The following PTPRC variants were observed in gnomAD, a reference collection of about 807,000 sequenced individuals.
PTPRC encodes protein tyrosine phosphatase receptor type C.
In PTPRC, 44 loss-of-function variants were observed where a neutral mutation model predicts 155.9. That is an observed-to-expected ratio of 0.28 (90% CI 0.22 to 0.36). The LOEUF (loss-of-function observed/expected upper bound fraction) is 0.36, where lower values mean the gene tolerates loss of function less well. PTPRC is among the 10% of genes least tolerant of loss of function. PTPRC has a pLI of 1.00. For missense variants in PTPRC, 1,401 were observed against 1,564.6 expected (o/e 0.90, Z 1.76); for synonymous variants, 525 against 533.1 (o/e 0.98, Z 0.21).
In PTPRC at chr1:198,749,411, C is replaced by A; in HGVS notation, c.2939-5C>A. ...GAAGACTTACTACTGATTTATTTCA[C>A]ATAGATGACTATAACAGAGTGCCAC... On this transcript the variant is annotated splice_polypyrimidine_tract_variant and splice_region_variant and intron_variant, in intron 27 of 32. Transcript: ENST00000442510. 1.2e-6 allele frequency: 2 copies of A among 1,607,184 alleles called. No homozygotes were observed. Among genetic ancestry groups the A allele is most frequent in the Non-Finnish European group, 1.7e-6 (2 of 1,174,986 alleles).
At chr1:198,644,374 A>C (rs72738013) in intron 2 of PTPRC, among the ~76,000 whole-genome samples, 2,949 of 152,004 alleles carry the variant, frequency 0.019, 57 homozygotes, top group Non-Finnish European at 0.027. Context: ...GACTTTAGCA[A>C]TATGATTTGA....
At chr1:198,664,486 T>C (rs113889436) in intron 2 of PTPRC, among the ~76,000 whole-genome samples, 1 of 152,218 alleles carries the variant, frequency 6.6e-6, no homozygotes, top group South Asian at 2.1e-4. Context: ...CAGACACTCC[T>C]TCCTACTTCC....
intron 25 of PTPRC, 120 bp from the exon 26 acceptor site, chr1:198,743,934 A>G (rs1315357707): frequency 2.1e-6 from 2 of 953,650 alleles, no homozygotes; most frequent in Non-Finnish European, 3.2e-6. Flanking sequence ...ATATCAATTT[A>G]CTTTGCCATG....
chr1:198,738,331 C>A (rs950007220), intron 23 of PTPRC, among the ~76,000 whole-genome samples: 6 of 151,594 alleles, frequency 4.0e-5, no homozygotes, highest in Admixed American at 6.6e-5. Context: ...TCCTTCGTTA[C>A]CCTGTTTTTT....
intron 3 of PTPRC, chr1:198,694,623 G>T (rs1330731566): frequency 1.0e-6 from 1 of 985,584 alleles, no homozygotes; most frequent in Non-Finnish European, 1.2e-6. Context: ...ACCAGAATTG[G>T]TTTAACCTAA....
intron 2 of PTPRC, chr1:198,680,032 T>G (rs1202384054): frequency 1.9e-6 from 1 of 532,964 alleles, no homozygotes; most frequent in Non-Finnish European, 3.3e-6. Context: ...CTTGCTGAGG[T>G]CCCTGGCATG....
intron 12 of PTPRC, among the ~76,000 whole-genome samples, chr1:198,715,360 T>G (rs978093359): frequency 1.4e-5 from 2 of 147,760 alleles, no homozygotes; most frequent in African/African-American, 2.4e-5. Flanking sequence ...CCTGATCTCG[T>G]GTGATCCGAT....
At chr1:198,697,119 A>T (rs1268873694) in intron 4 of PTPRC, among the ~76,000 whole-genome samples, 1 of 152,174 alleles carries the variant, frequency 6.6e-6, no homozygotes, top group Non-Finnish European at 1.5e-5. Context: ...GAGAGAAAAG[A>T]AGGGAAGCAA....
intron 2 of PTPRC, among the ~76,000 whole-genome samples, chr1:198,668,326 A>T (rs1664441433): frequency 6.6e-6 from 1 of 152,180 alleles, no homozygotes; most frequent in African/African-American, 2.4e-5. Flanking sequence ...ACATGCCACC[A>T]TGCCCAGCTA....
intron 4 of PTPRC, among the ~76,000 whole-genome samples, chr1:198,698,409 T>A (rs1666309433): frequency 6.6e-6 from 1 of 152,196 alleles, no homozygotes; most frequent in Non-Finnish European, 1.5e-5. Flanking sequence ...ATACTTCAAT[T>A]ATCTATTGGA....
At chr1:198,659,545 A>T (rs771593130) in intron 2 of PTPRC, among the ~76,000 whole-genome samples, 74 of 141,088 alleles carry the variant, frequency 5.2e-4, no homozygotes, top group East Asian at 1.0e-3. Context: ...ATACATATAT[A>T]TTTTTTTTTT....
chr1:198,675,763 T>C (rs1664917279), intron 2 of PTPRC, among the ~76,000 whole-genome samples: 1 of 152,194 alleles, frequency 6.6e-6, no homozygotes, highest in Admixed American at 6.5e-5. Flanking sequence ...TTTCTCATTA[T>C]AAAAGAAAGG....
chr1:198,680,725 C>T (rs1445538052), intron 2 of PTPRC, among the ~76,000 whole-genome samples: 2 of 151,112 alleles, frequency 1.3e-5, no homozygotes, highest in Admixed American at 1.3e-4. Flanking sequence ...AGTACCTGGA[C>T]CAGGGTAAAG....
At chr1:198,680,401 TGAGATAG>T (rs1305910693) in intron 2 of PTPRC, among the ~76,000 whole-genome samples, 1 of 149,044 alleles carries the variant, frequency 6.7e-6, no homozygotes, top group Non-Finnish European at 1.5e-5. Flanking sequence ...TGCAGTGAGC[TGAGATAG>T]TGCCACGGCA....
chr1:198,679,982 G>A (rs1665212767), intron 2 of PTPRC: 1 of 619,824 alleles, frequency 1.6e-6, no homozygotes, highest in East Asian at 3.2e-5. Context: ...GAGTGCTGCG[G>A]CTGCCCGTCC....
chr1:198,707,264 G>T (rs191011826), intron 9 of PTPRC, among the ~76,000 whole-genome samples: 8 of 152,254 alleles, frequency 5.3e-5, no homozygotes, highest in Admixed American at 2.6e-4. Flanking sequence ...CTACTTAAAT[G>T]AAGTATTAAT....
Position 198,639,109 on chromosome 1 carries a change from T to G in PTPRC, c.-72T>G, listed in dbSNP as rs1376901648. On this transcript the variant is annotated 5_prime_UTR_variant, in exon 1 of 33. Coordinates refer to ENST00000442510, the MANE Select transcript of PTPRC (RefSeq NM_002838.5). ...CTTAGGGTAACAGAGGAGGAAATTG[T>G]TCCTCGTCTGATAAGACAACAGTGG... 4.5e-6 allele frequency: 3 copies of G among 663,692 alleles called. No individual in the cohort carries two copies. In the Admixed American group the frequency reaches 6.9e-5, roughly 15 times the overall value. 41.1% of individuals were successfully genotyped at this position (663,692 alleles called of 1,614,324 possible). A position where few individuals can be genotyped will look rare whatever the true frequency, so the allele number is the denominator to read the frequency against.
chr1:198,757,402 T>C lies in PTPRC; in HGVS notation c.*1221T>C, dbSNP rs1324854231. On this transcript the variant is annotated 3_prime_UTR_variant, in exon 33 of 33. Coordinates refer to ENST00000442510, the MANE Select transcript of PTPRC (RefSeq NM_002838.5). Reference sequence around the variant, plus strand: ...CCCCAATTATCCAATAGTCTAATAATTGTTTAAGATCTAGAAAAAAAAAAT... The same window carrying C: ...CCCCAATTATCCAATAGTCTAATAACTGTTTAAGATCTAGAAAAAAAAAAT... The C allele has an allele frequency of 1.3e-5, 2 of 150,614 alleles. No individual in the cohort carries two copies. Among genetic ancestry groups the C allele is most frequent in the African/African-American group, 4.9e-5 (2 of 41,178 alleles). 9.3% of individuals were successfully genotyped at this position (150,614 alleles called of 1,614,324 possible).
intron 29 of PTPRC, 37 bp downstream of exon 29, chr1:198,750,663 G>C (rs1432663030): frequency 1.3e-5 from 21 of 1,602,234 alleles, no homozygotes; most frequent in Non-Finnish European, 1.8e-5. Context: ...AAGCCTTTCT[G>C]TCATAAAACG....
Sources: gnomAD v4.1 joint callset for allele counts (sites outside exome capture counted in the v4.1 genomes callset) on GRCh38, gnomAD v4.1.1 for gene constraint, MANE v1.5 for transcripts, NCBI Gene and HGNC (gene_info 2026-07-23, HGNC 2026-07-21) for gene names.